The following CHKA variants were observed in gnomAD, a reference collection of about 807,000 sequenced individuals.
The protein encoded by CHKA is choline kinase alpha.
CHKA carries 34 observed loss-of-function variants against 60.1 expected under a neutral mutation model. That is an observed-to-expected ratio of 0.57 (90% CI 0.43 to 0.75). The LOEUF is 0.75. Ranked by LOEUF, CHKA falls within the 30% of genes least tolerant of loss-of-function variation. The pLI, the probability that CHKA is intolerant of heterozygous loss-of-function variation, is 0.00. For missense variants in CHKA, 563 were observed against 561.3 expected (o/e 1.00, Z -0.03); for synonymous variants, 217 against 223.1 (o/e 0.97, Z 0.24).
At chr11:68,071,584 A>G (rs1047190229) in intron 4 of CHKA, among the ~76,000 whole-genome samples, 3 of 152,246 alleles carry the variant, frequency 2.0e-5, no homozygotes, top group Non-Finnish European at 4.4e-5. Context: ...CCCTGCAGAA[A>G]TCTAAAGAGA....
At chr11:68,061,858 G>A in intron 11 of CHKA, 95 bp downstream of exon 11, 1 of 897,012 alleles carries the variant, frequency 1.1e-6, no homozygotes, top group Non-Finnish European at 1.8e-6. Flanking sequence ...CCCTCTGTAA[G>A]GAACAGTCAT....
chr11:68,070,174 A>AG lies in CHKA; in HGVS notation c.869+14dup, dbSNP rs1856567605. The AG allele has an allele frequency of 6.4e-7, 1 of 1,567,974 alleles. No individual in the cohort carries two copies. The highest frequency in any genetic ancestry group is 1.4e-5 in the African/African-American group (1 of 73,880). ...CTAAGAATATTTAAAGTCAGGAAATAGAAGGAAAACTCACCTCAGGTTTTC... is the reference window on the plus strand; with the variant it reads ...CTAAGAATATTTAAAGTCAGGAAATAGGAAGGAAAACTCACCTCAGGTTTTC... On this transcript the variant is annotated intron_variant, in intron 6 of 11. Transcript: ENST00000265689.
intron 7 of CHKA, among the ~76,000 whole-genome samples, chr11:68,067,666 C>A (rs1391179946): frequency 6.6e-6 from 1 of 152,166 alleles, no homozygotes; most frequent in Non-Finnish European, 1.5e-5. Context: ...CTCTTCGATC[C>A]TTCCTACACT....
intron 1 of CHKA, among the ~76,000 whole-genome samples, chr11:68,100,937 C>CTT (rs758101816): frequency 0.013 from 987 of 78,218 alleles, 170 homozygotes; most frequent in African/African-American, 0.046. Flanking sequence ...TAAAGAGGTT[C>CTT]TTTTTTTTTT....
intron 3 of CHKA, 110 bp from the exon 4 acceptor site, chr11:68,074,940 C>T (rs1407117663): frequency 2.7e-5 from 24 of 903,490 alleles, no homozygotes; most frequent in African/African-American, 1.8e-4. Flanking sequence ...TATTCTTTCA[C>T]GTGGGCACTA....
intron 2 of CHKA, among the ~76,000 whole-genome samples, chr11:68,086,679 C>G (rs538738699): frequency 7.8e-4 from 118 of 152,176 alleles, no homozygotes; most frequent in Non-Finnish European, 1.6e-3. Context: ...CATTAAGTCA[C>G]ATATAGTTAT....
chr11:68,069,065 G>A (rs1049820737), intron 6 of CHKA, 128 bp from the exon 7 acceptor site: 1 of 650,852 alleles, frequency 1.5e-6, no homozygotes, highest in Non-Finnish European at 2.7e-6. Flanking sequence ...TAGTATCTGT[G>A]ATGTGAATTC....
At chr11:68,095,871 G>A (rs1276996374) in intron 2 of CHKA, among the ~76,000 whole-genome samples, 7 of 150,614 alleles carry the variant, frequency 4.6e-5, no homozygotes, top group African/African-American at 1.2e-4. Context: ...GTGAAACCCT[G>A]TCTCTACTAA....
chr11:68,060,725 T>C (rs1856204957), intron 11 of CHKA, among the ~76,000 whole-genome samples: 1 of 152,276 alleles, frequency 6.6e-6, no homozygotes, highest in South Asian at 2.1e-4. Context: ...GATGTACTGA[T>C]GCCTTTATTA....
chr11:68,088,439 A>C (rs1265117044), intron 2 of CHKA, among the ~76,000 whole-genome samples: 1 of 151,978 alleles, frequency 6.6e-6, no homozygotes, highest in Admixed American at 6.6e-5. Flanking sequence ...ACCCTCTAGG[A>C]GAGAAATAAT....
At chr11:68,110,769 G>T (rs979038721) in intron 1 of CHKA, among the ~76,000 whole-genome samples, 1 of 152,082 alleles carries the variant, frequency 6.6e-6, no homozygotes, top group African/African-American at 2.4e-5. Flanking sequence ...AGGCCAAGGT[G>T]GGCAGATCAC....
intron 1 of CHKA, among the ~76,000 whole-genome samples, chr11:68,099,063 AAGAAGACAGTCAC>A (rs1321631062): frequency 6.6e-6 from 1 of 152,216 alleles, no homozygotes; most frequent in Non-Finnish European, 1.5e-5. Context: ...TGCTAAGTGA[AAGAAGACAGTCAC>A]AAAAGACCAC....
intron 4 of CHKA, among the ~76,000 whole-genome samples, chr11:68,072,550 T>TAAAAAAAAAAAAAAAAAAAACAAAAAAA (rs10708078): frequency 8.9e-6 from 1 of 112,748 alleles, no homozygotes; most frequent in Non-Finnish European, 1.8e-5. Flanking sequence ...GACCCTATCT[T>TAAAAAAAAAAAAAAAAAAAACAAAAAAA]AAAAAAAAAA....
intron 1 of CHKA, among the ~76,000 whole-genome samples, chr11:68,108,604 C>A (rs958063033): frequency 6.6e-5 from 10 of 151,980 alleles, no homozygotes; most frequent in Admixed American, 2.0e-4. Flanking sequence ...ATTAGCCTGG[C>A]GTGGTGGCGG....
chr11:68,099,317 T>C (rs1403534549), intron 1 of CHKA, among the ~76,000 whole-genome samples: 1 of 152,260 alleles, frequency 6.6e-6, no homozygotes, highest in African/African-American at 2.4e-5. Flanking sequence ...GTGAATTGTA[T>C]GGTTTGTGAA....
intron 11 of CHKA, among the ~76,000 whole-genome samples, chr11:68,058,864 C>T (rs1310454597): frequency 6.6e-6 from 1 of 152,180 alleles, no homozygotes; most frequent in Non-Finnish European, 1.5e-5. Context: ...GACATTTTCC[C>T]TGTTACCACT....
chr11:68,104,647 C>A (rs932197495), intron 1 of CHKA, among the ~76,000 whole-genome samples: 4 of 151,850 alleles, frequency 2.6e-5, no homozygotes, highest in African/African-American at 4.8e-5. Flanking sequence ...GTCTCGAACT[C>A]CTGACCTCAA....
intron 4 of CHKA, among the ~76,000 whole-genome samples, chr11:68,072,000 C>T (rs1392725500): frequency 2.0e-5 from 3 of 152,234 alleles, no homozygotes; most frequent in Non-Finnish European, 2.9e-5. Context: ...GCCTCCACTT[C>T]CAGCAGCAGG....
intron 2 of CHKA, among the ~76,000 whole-genome samples, chr11:68,089,154 G>A (rs890933525): frequency 6.6e-6 from 1 of 152,172 alleles, no homozygotes; most frequent in Non-Finnish European, 1.5e-5. Context: ...AGAAAGACAG[G>A]TGAGTGGAAG....
Sources: allele counts gnomAD v4.1 joint callset (sites outside exome capture counted in the v4.1 genomes callset), GRCh38; gene constraint gnomAD v4.1.1; transcripts MANE v1.5; gene names NCBI Gene and HGNC (gene_info 2026-07-23, HGNC 2026-07-21).